SYNE2: variants seen among roughly 807,000 people sequenced by gnomAD.
SYNE2 encodes the protein nesprin-2.
A neutral mutation model predicts 856.3 loss-of-function variants in SYNE2; 431 were observed. The ratio of observed to expected loss-of-function variants is 0.50; its 90% CI spans 0.47 to 0.55. The LOEUF is 0.55. Among genes scored for constraint, SYNE2 ranks in the 20% least tolerant of loss-of-function variants. The pLI, the probability that SYNE2 is intolerant of heterozygous loss-of-function variation, is 0.00. For missense variants in SYNE2, 8,129 were observed against 8,023.2 expected (o/e 1.01, Z -0.50); for synonymous variants, 2,923 against 2,872.3 (o/e 1.02, Z -0.56).
intron 11 of SYNE2, among the ~76,000 whole-genome samples, chr14:63,974,890 GTGTATATATA>G (rs1222119129): frequency 2.2e-4 from 6 of 27,506 alleles, no homozygotes; most frequent in South Asian, 2.2e-3. Flanking sequence ...GTGTGTGTGT[GTGTATATATA>G]TATATATATA....
chr14:63,796,866 T>C (rs984011017), intron 1 of SYNE2, among the ~76,000 whole-genome samples: 10 of 151,586 alleles, frequency 6.6e-5, no homozygotes, highest in African/African-American at 2.2e-4. Context: ...GATCACGAGG[T>C]CAGGAGTTGG....
chr14:63,942,182 C>T (rs746447382), intron 6 of SYNE2, 39 bp downstream of exon 6: 33 of 1,227,362 alleles, frequency 2.7e-5, no homozygotes, highest in Non-Finnish European at 4.0e-5. Context: ...TTCTACCCTA[C>T]CACAGTATAA....
intron 51 of SYNE2, among the ~76,000 whole-genome samples, chr14:64,068,747 A>T (rs1255970): frequency 3.6e-4 from 55 of 150,836 alleles, no homozygotes; most frequent in African/African-American, 9.8e-4. Context: ...CTGTAATCCC[A>T]GCTGCTCGGG....
At chr14:64,087,433 TA>T (rs1192147775) in intron 57 of SYNE2, 3 of 668,348 alleles carry the variant, frequency 4.5e-6, no homozygotes, top group Non-Finnish European at 8.6e-6. Context: ...CCAAGTGTTT[TA>T]GAAGTGGACC....
At chr14:64,045,946 T>A (rs991521117) in intron 45 of SYNE2, among the ~76,000 whole-genome samples, 2 of 152,220 alleles carry the variant, frequency 1.3e-5, no homozygotes, top group South Asian at 2.1e-4. Flanking sequence ...TACATTACTA[T>A]CTAGACAGTA....
rs1279949494 is a variant in SYNE2, at chr14:64,142,023, G to C, written c.15241G>C (p.Asp5081His). 1.2e-6 allele frequency: 2 copies of C among 1,614,010 alleles called. No individual in the cohort carries two copies. Among genetic ancestry groups the C allele is most frequent in the African/African-American group, 2.7e-5 (2 of 74,930 alleles). Reference sequence around the variant, plus strand: ...GAACAATGTGGAGCATCAAACTTCAGATGAAGACTCCGTGCATTCACCAAG... The same window carrying C: ...GAACAATGTGGAGCATCAAACTTCACATGAAGACTCCGTGCATTCACCAAG... Reference protein sequence around the residue: ...WMNNVEHQTSDEDSVHSPSSA... With the variant: ...WMNNVEHQTSHEDSVHSPSSA... Residue 5081 changes from aspartate (D) to histidine (H), a missense_variant, in exon 82 of 116, where the codon GAT becomes CAT. Coordinates refer to ENST00000555002, the MANE Select transcript of SYNE2 (RefSeq NM_182914.3).
intron 1 of SYNE2, among the ~76,000 whole-genome samples, chr14:63,869,817 C>G (rs1896431672): frequency 6.6e-6 from 1 of 152,120 alleles, no homozygotes; most frequent in Non-Finnish European, 1.5e-5. Context: ...TTAGCCCACC[C>G]CATTGCTGGA....
At chr14:64,055,472 G>A (rs950116193) in intron 48 of SYNE2, among the ~76,000 whole-genome samples, 6 of 149,276 alleles carry the variant, frequency 4.0e-5, no homozygotes, top group African/African-American at 1.5e-4. Flanking sequence ...GGGTTCACAC[G>A]ATTCTTCTGC....
intron 11 of SYNE2, among the ~76,000 whole-genome samples, chr14:63,970,986 A>G (rs1456410804): frequency 1.3e-5 from 2 of 151,862 alleles, no homozygotes; most frequent in African/African-American, 4.8e-5. Context: ...GTTTTGGATC[A>G]TACGTTTTTT....
intron 1 of SYNE2, among the ~76,000 whole-genome samples, chr14:63,891,146 G>T (rs977346338): frequency 6.6e-6 from 1 of 152,166 alleles, no homozygotes; most frequent in Non-Finnish European, 1.5e-5. Context: ...CAATTGTAGG[G>T]GAGGAAAAAC....
chr14:64,052,469 A>G lies in SYNE2; in HGVS notation c.8556A>G (p.Glu2852=). 2 of 1,613,460 alleles carry G rather than the reference A, an allele frequency of 1.2e-6. No individual in the cohort carries two copies. The highest frequency in any genetic ancestry group is 1.7e-6 in the Non-Finnish European group (2 of 1,179,656). The change falls in exon 48 of 116, where the codon GAA becomes GAG. Residue 2852 remains glutamate (E), a synonymous_variant. Transcript: ENST00000555002. ...GGAAGTTTCAACTTATGGTTCAAGA[A>G]AGTGAAACACTGATAATTCCCAGGG... ...IIRKFQLMVQ[E]SETLIIPRVE...
intron 1 of SYNE2, among the ~76,000 whole-genome samples, chr14:63,800,902 C>T (rs1343347762): frequency 6.6e-6 from 1 of 152,068 alleles, no homozygotes; most frequent in South Asian, 2.1e-4. Flanking sequence ...GTACAACAAA[C>T]CCCTGTGACA....
Position 64,158,610 on chromosome 14 carries a change from C to G in SYNE2, c.15793-15C>G. 6.2e-7 allele frequency: 1 copy of G among 1,613,630 alleles called. No individual in the cohort carries two copies. The highest frequency in any genetic ancestry group is 1.1e-5 in the South Asian group (1 of 91,034). On this transcript the variant is annotated splice_polypyrimidine_tract_variant and intron_variant, in intron 85 of 115. Coordinates refer to ENST00000555002, the MANE Select transcript of SYNE2 (RefSeq NM_182914.3). The stretch of plus-strand genomic sequence containing the variant: ...AGTGATTTTCTAAATCAGTACGTTT[C>G]CACTTTTTGTCTAGGTCAATCAGCT...
Position 64,121,024 on chromosome 14 carries a change from C to A in SYNE2, c.13121C>A (p.Pro4374Gln). The A allele has an allele frequency of 1.2e-6, 2 of 1,614,082 alleles. No individual in the cohort carries two copies. The highest frequency in any genetic ancestry group is 1.7e-6 in the Non-Finnish European group (2 of 1,180,002). Residue 4374 changes from proline to glutamine, a missense_variant, in exon 68 of 116, where the codon CCA (proline) becomes CAA (glutamine). By Grantham distance (76) the Pro-to-Gln change is moderately conservative. This residue lies in a region of SYNE2 where 5,410 missense variants were observed against 5,284.8 expected (regional missense o/e 1.02). Transcript: ENST00000555002. The stretch of plus-strand genomic sequence containing the variant: ...TTGGAATCCATTGTAACTGAAAGGC[C>A]ACAATTCAGCAGACAAAAAGATTTC... The part of the protein sequence containing the change: ...SELESIVTER[P>Q]QFSRQKDFQQ...
At chr14:64,085,726 T>C (rs1326295372) in intron 57 of SYNE2, among the ~76,000 whole-genome samples, 1 of 152,212 alleles carries the variant, frequency 6.6e-6, no homozygotes, top group African/African-American at 2.4e-5. Flanking sequence ...TGCAGTGGTA[T>C]TTCATTGTGG....
intron 1 of SYNE2, chr14:63,762,205 G>A (rs1381563687): frequency 4.3e-6 from 1 of 231,612 alleles, no homozygotes; most frequent in African/African-American, 2.3e-5. Flanking sequence ...GACCGAGGCA[G>A]GCGAATCACC....
At position 64,186,590 on chromosome 14, in the gene SYNE2, T is replaced by C; in HGVS notation, c.17712+11T>C. The C allele has an allele frequency of 6.2e-7, 1 of 1,614,114 alleles. No individual in the cohort carries two copies. The highest frequency in any genetic ancestry group is 8.5e-7 in the Non-Finnish European group (1 of 1,179,986). ...GACCTCTGCTTAAGGGTAAGTCAGC[T>C]CACTGCAGGGCACGGCTGTTTGGGA... On this transcript the variant is annotated intron_variant, in intron 97 of 115. Coordinates refer to ENST00000555002, the MANE Select transcript of SYNE2 (RefSeq NM_182914.3).
intron 1 of SYNE2, among the ~76,000 whole-genome samples, chr14:63,783,352 T>C (rs1219745103): frequency 1.3e-5 from 2 of 152,168 alleles, no homozygotes; most frequent in African/African-American, 4.8e-5. Context: ...AATCCCTTTA[T>C]AAATTACCCA....
At chr14:63,839,873 A>G (rs932129511) in intron 1 of SYNE2, among the ~76,000 whole-genome samples, 1 of 152,198 alleles carries the variant, frequency 6.6e-6, no homozygotes, top group African/African-American at 2.4e-5. Context: ...AAGTGTTAAC[A>G]TTTTGGTTAT....
Sources: allele counts gnomAD v4.1 joint callset (sites outside exome capture counted in the v4.1 genomes callset), GRCh38; gene constraint gnomAD v4.1.1; regional missense constraint gnomAD v4.1.1; transcripts MANE v1.5; gene names NCBI Gene and HGNC (gene_info 2026-07-23, HGNC 2026-07-21).